Variants in NBPF15 observed in about 807,000 individuals in gnomAD.
NBPF15 encodes NBPF family member NBPF15.
A neutral mutation model predicts 62.2 loss-of-function variants in NBPF15; 74 were observed. The observed-to-expected ratio is 1.19, with a 90% CI of 0.99 to 1.44. The LOEUF (loss-of-function observed/expected upper bound fraction) is 1.44, where lower values mean the gene tolerates loss of function less well. NBPF15 is among the 40% of genes most tolerant of loss of function. NBPF15 has a pLI of 0.00. For synonymous variants in NBPF15, 244 were observed against 209.7 expected (o/e 1.16, Z -1.41); for missense variants, 790 against 550.0 (o/e 1.44, Z -4.36).
chr1:144,446,812 G>A (rs4592215), intron 6 of NBPF15, among the ~76,000 whole-genome samples: 2 of 150,426 alleles, frequency 1.3e-5, no homozygotes, highest in Admixed American at 1.3e-4. Flanking sequence ...AGGCTGAGGC[G>A]GGCGGATCAC....
rs1456130760 is a variant in NBPF15 at position 144,421,747 on chromosome 1, C to T, written c.*1266G>A. 1.2e-4 allele frequency: 18 copies of T among 149,336 alleles called. No individual in the cohort carries two copies. The highest frequency in any genetic ancestry group is 4.4e-4 in the South Asian group (2 of 4,566). 9.3% of individuals were successfully genotyped at this position (149,336 alleles called of 1,614,324 possible). On this transcript the variant is annotated 3_prime_UTR_variant, in exon 22 of 22. Coordinates refer to ENST00000581897, the MANE Select transcript of NBPF15 (RefSeq NM_001385408.1). The stretch of plus-strand genomic sequence containing the variant: ...ACAGGATATTTATACTCTTGAAAAC[C>T]GCTTTCCCAAGTACTTCATTATAAG...
intron 15 of NBPF15, among the ~76,000 whole-genome samples, chr1:144,428,281 C>A (rs1343176891): frequency 6.6e-6 from 1 of 151,826 alleles, no homozygotes; most frequent in Non-Finnish European, 1.5e-5. Context: ...TGTATTTGTG[C>A]TCTCAGGACA....
chr1:144,432,337 C>G (rs1225746473), intron 13 of NBPF15, among the ~76,000 whole-genome samples: 4 of 151,804 alleles, frequency 2.6e-5, no homozygotes, highest in Non-Finnish European at 5.9e-5. Context: ...ACAACCGGTA[C>G]CAGCCACTAC....
chr1:144,446,243 A>C (rs1309343941), intron 6 of NBPF15, among the ~76,000 whole-genome samples: 1 of 150,166 alleles, frequency 6.7e-6, no homozygotes, highest in African/African-American at 2.5e-5. Context: ...CTCATTGCTA[A>C]TATACAGAAA....
At chr1:144,435,344 CAGA>C (rs1342686795) in intron 11 of NBPF15, 28 bp from the exon 12 acceptor site, 2 of 1,452,958 alleles carry the variant, frequency 1.4e-6, no homozygotes, top group African/African-American at 1.4e-5. Flanking sequence ...ACAGAGATGA[CAGA>C]AGATTAAACA....
intron 6 of NBPF15, 63 bp from the exon 7 acceptor site, chr1:144,440,358 C>A: frequency 1.1e-6 from 1 of 946,238 alleles, no homozygotes; most frequent in Non-Finnish European, 1.5e-6. Context: ...GCCCTGCATT[C>A]CAATTGCCCA....
At chr1:144,428,376 T>C (rs1553539729) in intron 15 of NBPF15, among the ~76,000 whole-genome samples, 1 of 152,008 alleles carries the variant, frequency 6.6e-6, no homozygotes, top group Non-Finnish European at 1.5e-5. Context: ...ACCATGAGAA[T>C]ACAGCTTTTG....
chr1:144,449,685 C>T lies in NBPF15; in HGVS notation c.-332-769G>A, dbSNP rs2102611232. 1.3e-5 allele frequency among the ~76,000 whole-genome samples: 2 copies of T among 151,888 alleles called. 1 individual carries two copies. Among genetic ancestry groups the T allele is most frequent in the South Asian group, 4.2e-4 (2 of 4,790 alleles). Reference sequence around the variant, plus strand: ...GAGGGTCAGTCCCAGGCTGTGGATCCTAACTAAGAAACTCCTGCTGGATTT... The same window carrying T: ...GAGGGTCAGTCCCAGGCTGTGGATCTTAACTAAGAAACTCCTGCTGGATTT... On this transcript the variant is annotated intron_variant, in intron 5 of 21. Transcript: ENST00000581897.
rs1452920306 is a variant in NBPF15 at position 144,422,785 on chromosome 1, C to T, written c.*228G>A. On this transcript the variant is annotated 3_prime_UTR_variant, in exon 22 of 22. Transcript: ENST00000581897. ...AATTAAAATGTCTGACTGATCACTC[C>T]CGGCATGTTCTGCACAGTTATGTGA... 6.5e-6 allele frequency: 7 copies of T among 1,082,784 alleles called. No homozygotes were observed. The highest frequency in any genetic ancestry group is 7.8e-6 in the Non-Finnish European group (6 of 764,910). The allele number at this position is 1,082,784 out of a possible 1,614,324, so 67.1% of individuals were successfully genotyped here.
chr1:144,436,397 T>A (rs76821083), intron 10 of NBPF15, among the ~76,000 whole-genome samples: 5 of 150,462 alleles, frequency 3.3e-5, no homozygotes, highest in Non-Finnish European at 5.9e-5. Context: ...CATCACACGG[T>A]GAGGGCCTTC....
chr1:144,450,623 A>T (rs1690476805), intron 5 of NBPF15, 149 bp downstream of exon 5: 1 of 154,020 alleles, frequency 6.5e-6, no homozygotes, highest in Admixed American at 6.6e-5. Flanking sequence ...GTTTGTGGTA[A>T]TGTGATAATA....
intron 6 of NBPF15, among the ~76,000 whole-genome samples, chr1:144,442,342 GTATA>G (rs1238808139): frequency 2.4e-5 from 3 of 124,518 alleles, no homozygotes; most frequent in Non-Finnish European, 3.3e-5. Flanking sequence ...CGTGTGCCAT[GTATA>G]TATATATACA....
chr1:144,455,618 A>G (rs1348707507), intron 4 of NBPF15, among the ~76,000 whole-genome samples: 2 of 152,018 alleles, frequency 1.3e-5, no homozygotes, highest in Non-Finnish European at 2.9e-5. Flanking sequence ...GAAGCTTCCC[A>G]GCTGCAGGTG....
In NBPF15 at chr1:144,423,173, T is replaced by C; in HGVS notation, c.1853A>G (p.Tyr618Cys). The C allele has an allele frequency of 6.2e-7, 1 of 1,611,502 alleles. No individual in the cohort carries two copies. The highest frequency in any genetic ancestry group is 1.1e-5 in the South Asian group (1 of 90,960). Residue 618 changes from tyrosine to cysteine, a missense_variant, in exon 22 of 22, where the codon TAC becomes TGC. By Grantham distance (194) the Tyr-to-Cys change is radical (BLOSUM62 -2). Coordinates refer to ENST00000581897, the MANE Select transcript of NBPF15 (RefSeq NM_001385408.1). ...LDRCYSTPSM[Y>C]FEQPDSFQHY... is the part of the protein sequence containing the mutation. ...CTGGAATGAGTCAGGTTGTTCAAAG[T>C]ACATTGACGGAGTCGAATAACATCT...
chr1:144,456,084 C>T (rs1285191769), intron 4 of NBPF15, among the ~76,000 whole-genome samples: 6 of 151,818 alleles, frequency 4.0e-5, no homozygotes, highest in Non-Finnish European at 8.8e-5. Context: ...TAAAACCACA[C>T]ACATCTCCCC....
intron 6 of NBPF15, among the ~76,000 whole-genome samples, chr1:144,441,380 T>C (rs1195992237): frequency 6.6e-6 from 1 of 151,948 alleles, no homozygotes; most frequent in Non-Finnish European, 1.5e-5. Flanking sequence ...AGTGATATCC[T>C]AAAATTTGGT....
intron 1 of NBPF15, 148 bp from the exon 2 acceptor site, chr1:144,461,109 A>G (rs1437698959): frequency 6.6e-6 from 1 of 151,482 alleles, no homozygotes; most frequent in Non-Finnish European, 1.5e-5. Context: ...GGTCCTCCAC[A>G]GGATACACGA....
intron 13 of NBPF15, among the ~76,000 whole-genome samples, chr1:144,432,134 C>T (rs1674817845): frequency 6.6e-6 from 1 of 151,996 alleles, no homozygotes; most frequent in Non-Finnish European, 1.5e-5. Context: ...TCCTATTTCT[C>T]CACATCCTCT....
chr1:144,439,016 C>T lies in NBPF15; in HGVS notation c.175+813G>A, dbSNP rs1253390153. Among the ~76,000 whole-genome samples, 7 of 151,848 alleles carry T rather than the reference C, an allele frequency of 4.6e-5. No homozygotes were observed. In the East Asian group the frequency reaches 9.7e-4, roughly 21 times the overall value. On this transcript the variant is annotated intron_variant, in intron 8 of 21. Coordinates refer to ENST00000581897, the MANE Select transcript of NBPF15 (RefSeq NM_001385408.1). Reference sequence around the variant, plus strand: ...TTATTATTTTTTTTTAACAGTCTTGCCCTGTCGCCCAGGCTGGAGTGCAAT... The same window carrying T: ...TTATTATTTTTTTTTAACAGTCTTGTCCTGTCGCCCAGGCTGGAGTGCAAT...
Sources: allele counts gnomAD v4.1 joint callset (sites outside exome capture counted in the v4.1 genomes callset), GRCh38; gene constraint gnomAD v4.1.1; transcripts MANE v1.5; gene names NCBI Gene and HGNC (gene_info 2026-07-23, HGNC 2026-07-21).